The following RBFOX1 variants were observed in gnomAD, a reference collection of about 807,000 sequenced individuals.
The protein encoded by RBFOX1 is RNA binding fox-1 homolog 1, also known as RNA binding protein fox-1 homolog 1.
In RBFOX1, 8 loss-of-function variants were observed where a neutral mutation model predicts 57.7. The ratio of observed to expected loss-of-function variants is 0.14; its 90% CI spans 0.08 to 0.25. The LOEUF is 0.25. Among genes scored for constraint, RBFOX1 ranks in the 10% least tolerant of loss-of-function variants. The pLI is 1.00. For synonymous variants in RBFOX1, 326 were observed against 222.4 expected (o/e 1.47, Z -4.15); for missense variants, 611 against 548.5 (o/e 1.11, Z -1.14).
chr16:6,812,436 C>A (rs1385896047), intron 3 of RBFOX1, among the ~76,000 whole-genome samples: 1 of 152,026 alleles, frequency 6.6e-6, no homozygotes, highest in Non-Finnish European at 1.5e-5. Context: ...TGCAGTGGCC[C>A]GATCTCGGCT....
At chr16:6,075,871 G>A (rs963289796) in intron 1 of RBFOX1, among the ~76,000 whole-genome samples, 1 of 152,180 alleles carries the variant, frequency 6.6e-6, no homozygotes. Flanking sequence ...GCCAGTCACT[G>A]TGCAGATAAT....
rs188953607 is a variant in RBFOX1 at position 5,519,676 on chromosome 16, G to T, written c.258+52422G>T. On this transcript the variant is annotated intron_variant, in intron 2 of 2. Coordinates refer to the RBFOX1 transcript ENST00000585867. ...GGAGGTCAAGGCTGCAGTGAACGAA[G>T]ATTATCTCCCTGCACTCCAGCCTGA... Among the ~76,000 whole-genome samples, 278 of 152,322 alleles carry T rather than the reference G, an allele frequency of 1.8e-3. 2 individuals are homozygous for T. The highest frequency in any genetic ancestry group is 6.3e-3 in the African/African-American group (262 of 41,576).
chr16:6,274,110 A>G (rs554228343), intron 1 of RBFOX1, among the ~76,000 whole-genome samples: 4 of 152,328 alleles, frequency 2.6e-5, no homozygotes, highest in Admixed American at 2.6e-4. Context: ...GTCAAATGAT[A>G]CATTCCCATA....
intron 3 of RBFOX1, among the ~76,000 whole-genome samples, chr16:6,806,823 T>TAAATATATAA (rs1236234265): frequency 1.1e-4 from 9 of 83,700 alleles, no homozygotes; most frequent in South Asian, 3.6e-4. Flanking sequence ...TATAAATATA[T>TAAATATATAA]ATATATATAT....
chr16:5,761,399 T>C (rs971867896), intron 3 of RBFOX1, among the ~76,000 whole-genome samples: 3 of 152,244 alleles, frequency 2.0e-5, no homozygotes, highest in African/African-American at 7.2e-5. Context: ...ATAGAGTCTT[T>C]GTATTAGCTG....
chr16:5,520,423 C>G (rs1328628650), intron 2 of RBFOX1, among the ~76,000 whole-genome samples: 2 of 152,212 alleles, frequency 1.3e-5, no homozygotes, highest in African/African-American at 2.4e-5. Context: ...CACCCCCTGT[C>G]TTCTCAGCCA....
intron 4 of RBFOX1, among the ~76,000 whole-genome samples, chr16:7,331,449 A>T (rs1479573295): frequency 6.6e-6 from 1 of 152,164 alleles, no homozygotes; most frequent in Non-Finnish European, 1.5e-5. Flanking sequence ...GGAACTACAC[A>T]CACCCACATG....
chr16:6,296,888 T>G (rs1304975146), intron 1 of RBFOX1, among the ~76,000 whole-genome samples: 1 of 152,164 alleles, frequency 6.6e-6, no homozygotes, highest in Non-Finnish European at 1.5e-5. Context: ...AGGATGAGTC[T>G]GCAGAGTAAA....
intron 4 of RBFOX1, among the ~76,000 whole-genome samples, chr16:7,331,204 G>A (rs1204798462): frequency 6.6e-6 from 1 of 152,180 alleles, no homozygotes; most frequent in East Asian, 1.9e-4. Context: ...ATCTGAAAGT[G>A]GAGGAATTGA....
At chr16:5,386,896 C>T (rs2066273921) in intron 1 of RBFOX1, among the ~76,000 whole-genome samples, 2 of 152,030 alleles carry the variant, frequency 1.3e-5, no homozygotes, top group South Asian at 4.2e-4. Context: ...ACTAAAAATA[C>T]AAAAATTAGC....
At position 5,696,304 on chromosome 16, in the gene RBFOX1, G is replaced by A. The variant is rs149858748; in HGVS notation, c.318+97343G>A. The stretch of plus-strand genomic sequence containing the variant: ...ATTTATGAATCCATAGGCAAAACAA[G>A]GTATCTCATGCATCTGGGTTTTCAC... On this transcript the variant is annotated intron_variant, in intron 3 of 19. Coordinates refer to the RBFOX1 transcript ENST00000641259. Among the ~76,000 whole-genome samples, 85 of 152,170 alleles carry A rather than the reference G, an allele frequency of 5.6e-4. 1 individual carries two copies. The highest frequency in any genetic ancestry group is 1.8e-3 in the African/African-American group (76 of 41,508).
intron 4 of RBFOX1, chr16:7,328,500 A>AAAAAAAAAAAAG (rs1555718992): frequency 6.7e-6 from 1 of 149,766 alleles, no homozygotes; most frequent in African/African-American, 2.5e-5. Flanking sequence ...AAAAAAAAAA[A>AAAAAAAAAAAAG]GAAGACCTGG....
chr16:5,593,249 C>G (rs552580224), intron 2 of RBFOX1, among the ~76,000 whole-genome samples: 23 of 151,922 alleles, frequency 1.5e-4, no homozygotes, highest in Admixed American at 1.3e-3. Context: ...GAACAGAAAA[C>G]CAAACACTGT....
chr16:5,282,228 G>A (rs1451288333), intron 1 of RBFOX1, among the ~76,000 whole-genome samples: 1 of 152,170 alleles, frequency 6.6e-6, no homozygotes, highest in Non-Finnish European at 1.5e-5. Flanking sequence ...CTTCCGCAAT[G>A]ATTTTGTAGC....
intron 1 of RBFOX1, among the ~76,000 whole-genome samples, chr16:6,189,117 A>C (rs1436373478): frequency 1.3e-5 from 2 of 152,242 alleles, no homozygotes; most frequent in Non-Finnish European, 2.9e-5. Flanking sequence ...AAACCACCAA[A>C]TGGTTCCATT....
At chr16:6,232,467 G>T (rs1381848350) in intron 1 of RBFOX1, among the ~76,000 whole-genome samples, 3 of 152,156 alleles carry the variant, frequency 2.0e-5, no homozygotes, top group African/African-American at 7.2e-5. Flanking sequence ...GGGGATCCTG[G>T]TGATTTTACA....
chr16:5,540,049 G>C (rs1340753921), intron 2 of RBFOX1, among the ~76,000 whole-genome samples: 1 of 152,094 alleles, frequency 6.6e-6, no homozygotes, highest in Admixed American at 6.6e-5. Flanking sequence ...TCTTCTGGGA[G>C]GGAAGACAAT....
At chr16:7,208,667 C>G (rs191710184) in intron 4 of RBFOX1, among the ~76,000 whole-genome samples, 19 of 152,182 alleles carry the variant, frequency 1.2e-4, no homozygotes, top group Admixed American at 1.1e-3. Context: ...AAGACCGTAT[C>G]TCAACAAAAA....
rs544898580 is a variant in RBFOX1 at position 5,379,597 on chromosome 16, T to C, written c.220-87619T>C. 1.2e-4 allele frequency among the ~76,000 whole-genome samples: 18 copies of C among 152,294 alleles called. 1 individual carries two copies. The highest frequency in any genetic ancestry group is 3.6e-4 in the African/African-American group (15 of 41,560). ...CTTCACTGGGCTCTGCTACTTAATC[T>C]CTGTGTGGTCTTTGGTGAGTAACTT... On this transcript the variant is annotated intron_variant, in intron 1 of 2. Transcript: ENST00000585867.
Sources: allele counts gnomAD v4.1 joint callset (sites outside exome capture counted in the v4.1 genomes callset), GRCh38; gene constraint gnomAD v4.1.1; transcripts MANE v1.5; gene names NCBI Gene and HGNC (gene_info 2026-07-23, HGNC 2026-07-21).